Variants in PRKG1 observed in about 807,000 individuals in gnomAD.
The protein encoded by PRKG1 is cGMP-dependent protein kinase 1.
Under a neutral mutation model 88.1 loss-of-function variants are expected in PRKG1, and 35 were observed. The ratio of observed to expected loss-of-function variants is 0.40; its 90% confidence interval spans 0.30 to 0.53. The LOEUF is 0.53. PRKG1 is among the 20% of genes least tolerant of loss of function. PRKG1 has a pLI of 0.59. For synonymous variants in PRKG1, 303 were observed against 292.5 expected, an observed-to-expected ratio of 1.04 and a Z score of -0.37; for missense variants, 540 against 839.8, an observed-to-expected ratio of 0.64 and a Z score of 4.41.
chr10:51,321,698 A>T (rs1239325697), intron 2 of PRKG1, among the ~76,000 whole-genome samples: 1 of 152,144 alleles, frequency 6.6e-6, no homozygotes, highest in East Asian at 1.9e-4. Context: ...TTGCTAGCAC[A>T]ACAGGGTGAC....
Position 51,489,988 on chromosome 10 carries a change from T to C in PRKG1, c.592+22152T>C, listed in dbSNP as rs1006627258. Among the ~76,000 whole-genome samples the C allele has an allele frequency of 2.0e-5, 3 of 152,166 alleles. No homozygotes were observed. In the South Asian group the frequency reaches 6.2e-4, roughly 31 times the overall value. On this transcript the variant is annotated intron_variant, in intron 3 of 17. Coordinates refer to ENST00000373980, the MANE Select transcript of PRKG1 (RefSeq NM_006258.4). ...TGGCCCCACTTTTAGGGATGGCCACTGGAAACTTTTCTTTGAAGAACACTT... is the reference window on the plus strand; with the variant it reads ...TGGCCCCACTTTTAGGGATGGCCACCGGAAACTTTTCTTTGAAGAACACTT...
chr10:52,029,698 CAT>C (rs1845430758), intron 5 of PRKG1, among the ~76,000 whole-genome samples: 1 of 152,154 alleles, frequency 6.6e-6, no homozygotes, highest in Non-Finnish European at 1.5e-5. Context: ...TCTAATTTAA[CAT>C]ATTCAGGGAA....
intron 3 of PRKG1, among the ~76,000 whole-genome samples, chr10:51,691,534 T>TC (rs1189401633): frequency 2.6e-5 from 4 of 152,152 alleles, no homozygotes; most frequent in African/African-American, 9.7e-5. Flanking sequence ...CAGGCTGGTC[T>TC]CAAACTCCTG....
chr10:51,510,994 C>T (rs562558560), intron 3 of PRKG1, among the ~76,000 whole-genome samples: 118 of 151,558 alleles, frequency 7.8e-4, no homozygotes, highest in African/African-American at 2.8e-3. Context: ...CCTTGTGATC[C>T]GCCCACCTCA....
At chr10:51,571,253 A>T (rs1470277695) in intron 3 of PRKG1, among the ~76,000 whole-genome samples, 1 of 151,936 alleles carries the variant, frequency 6.6e-6, no homozygotes, top group Non-Finnish European at 1.5e-5. Context: ...CATTATTATA[A>T]TTCTCATTTT....
intron 9 of PRKG1, among the ~76,000 whole-genome samples, chr10:52,202,390 A>G (rs1424962856): frequency 6.6e-6 from 1 of 152,142 alleles, no homozygotes; most frequent in Non-Finnish European, 1.5e-5. Context: ...TCCCCGTGAT[A>G]AAGCCTACTT....
In PRKG1 at chr10:51,859,476, A is replaced by T. The variant is rs536334196; in HGVS notation, c.699-48031A>T. Among the ~76,000 whole-genome samples, 4 of 152,092 alleles carry T rather than the reference A, an allele frequency of 2.6e-5. No individual in the cohort carries two copies. The South Asian group carries it at 8.3e-4, about 32-fold the overall frequency. On this transcript the variant is annotated intron_variant, in intron 4 of 17. Transcript: ENST00000373980. ...TTAGGGGAAGACATACTTAAAAAAA[A>T]ATAGATGCAGCCCTTGATCTGATCC...
chr10:51,076,090 C>G (rs973703699), intron 1 of PRKG1, among the ~76,000 whole-genome samples: 1 of 152,118 alleles, frequency 6.6e-6, no homozygotes, highest in Non-Finnish European at 1.5e-5. Flanking sequence ...TTGATTATCT[C>G]TATTTGTATT....
intron 4 of PRKG1, among the ~76,000 whole-genome samples, chr10:51,838,095 A>G (rs1589338569): frequency 2.0e-5 from 3 of 152,272 alleles, no homozygotes; most frequent in Admixed American, 6.5e-5. Flanking sequence ...ATTAAAAAAT[A>G]GTAATAGTTT....
chr10:51,238,656 G>A (rs894839570), intron 2 of PRKG1, among the ~76,000 whole-genome samples: 1 of 151,842 alleles, frequency 6.6e-6, no homozygotes, highest in African/African-American at 2.4e-5. Context: ...AGCTTCTCAG[G>A]AGGCTGAGGC....
chr10:51,384,865 G>A (rs1480242887), intron 2 of PRKG1, among the ~76,000 whole-genome samples: 1 of 152,122 alleles, frequency 6.6e-6, no homozygotes, highest in Admixed American at 6.6e-5. Context: ...TACTGAAGAT[G>A]ATAAAATAGT....
In PRKG1 at chr10:51,074,907, C is replaced by T; in HGVS notation, c.311+6C>T. On this transcript the variant is annotated splice_donor_region_variant and intron_variant, in intron 1 of 17. Coordinates refer to ENST00000373980, the MANE Select transcript of PRKG1 (RefSeq NM_006258.4). ...TTCTACCCCAAGAGCCCACAGTAAG[C>T]AGGGGTGACGCGCCGGGTCCATGTG... The T allele has an allele frequency of 1.3e-6, 2 of 1,593,314 alleles. No homozygotes were observed. Among genetic ancestry groups the T allele is most frequent in the Middle Eastern group, 1.7e-4 (1 of 5,994 alleles).
chr10:51,970,577 T>G (rs1843685244), intron 5 of PRKG1, among the ~76,000 whole-genome samples: 1 of 150,600 alleles, frequency 6.6e-6, no homozygotes, highest in Non-Finnish European at 1.5e-5. Context: ...TTTTATTTTT[T>G]TATTTATTTA....
In PRKG1 at chr10:51,041,066, T is replaced by A. The variant is rs28818786; in HGVS notation, c.266+49422T>A. On this transcript the variant is annotated intron_variant, in intron 1 of 17. Coordinates refer to the PRKG1 transcript ENST00000401604. ...ACAAAGTCTTTCCCACCCTTACCCT[T>A]CCCTCAAGCAGAGTAGTCTCTCCCT... 2.7e-3 allele frequency among the ~76,000 whole-genome samples: 408 copies of A among 152,062 alleles called. 2 individuals carry two copies. Among genetic ancestry groups the A allele is most frequent in the African/African-American group, 9.2e-3 (381 of 41,490 alleles).
intron 2 of PRKG1, among the ~76,000 whole-genome samples, chr10:51,465,529 A>G (rs1839882209): frequency 6.6e-6 from 1 of 152,218 alleles, no homozygotes; most frequent in African/African-American, 2.4e-5. Flanking sequence ...AGTCTCTACC[A>G]CTAGGCTGTG....
At chr10:51,472,170 G>T (rs1434259292) in intron 3 of PRKG1, among the ~76,000 whole-genome samples, 1 of 151,810 alleles carries the variant, frequency 6.6e-6, no homozygotes, top group Non-Finnish European at 1.5e-5. Flanking sequence ...GACTAATTAA[G>T]ATATTTTACT....
At chr10:51,308,201 AT>A (rs1564440131) in intron 2 of PRKG1, among the ~76,000 whole-genome samples, 2 of 152,104 alleles carry the variant, frequency 1.3e-5, no homozygotes, top group Admixed American at 6.6e-5. Context: ...ATTACTTTAT[AT>A]AGATTACTTG....
At chr10:51,132,495 C>T (rs1221214285) in intron 1 of PRKG1, among the ~76,000 whole-genome samples, 2 of 151,754 alleles carry the variant, frequency 1.3e-5, no homozygotes, top group East Asian at 1.9e-4. Flanking sequence ...TTGTGTCTTC[C>T]CTACATAAAA....
intron 5 of PRKG1, among the ~76,000 whole-genome samples, chr10:52,010,629 TA>T (rs986236801): frequency 6.6e-6 from 1 of 152,058 alleles, no homozygotes; most frequent in African/African-American, 2.4e-5. Flanking sequence ...TAAAATTATT[TA>T]AAAAAAGAAC....
Sources: gnomAD v4.1 joint callset for allele counts (sites outside exome capture counted in the v4.1 genomes callset) on GRCh38, gnomAD v4.1.1 for gene constraint, MANE v1.5 for transcripts, NCBI Gene and HGNC (gene_info 2026-07-23, HGNC 2026-07-21) for gene names.